C1QTNF12: variants seen among roughly 807,000 people sequenced by gnomAD.
The protein encoded by C1QTNF12 is C1q and TNF related 12.
Under a neutral mutation model 34.3 loss-of-function variants are expected in C1QTNF12, and 39 were observed. The observed-to-expected ratio is 1.14, with a 90% CI of 0.88 to 1.49. C1QTNF12 has a LOEUF of 1.49. Ranked by LOEUF, C1QTNF12 falls within the 40% of genes most tolerant of loss-of-function variation. The pLI is 0.00. For missense variants in C1QTNF12, 497 were observed against 424.7 expected, an observed-to-expected ratio of 1.17 and a Z score of -1.50; for synonymous variants, 220 against 196.9, an observed-to-expected ratio of 1.12 and a Z score of -0.98.
rs1169330437 is a variant in C1QTNF12 at position 1,242,617 on chromosome 1, G to C, written c.840C>G (p.Asp280Glu). ...TGGTGAGGACGGCCCCGGAGCCATT[G>C]TCCACAAACACAGAAGCGTACTGTC... ...QAGQYASVFVDNGSGAVLTIQ... is the reference protein window; with the variant it reads ...QAGQYASVFVENGSGAVLTIQ... Residue 280 changes from aspartate to glutamate, a missense_variant, in exon 8 of 8, where the codon GAC becomes GAG. Transcript: ENST00000330388. 1.9e-6 allele frequency: 3 copies of C among 1,596,080 alleles called. No homozygotes were observed. In the African/African-American group the frequency reaches 4.0e-5, roughly 21 times the overall value.
In C1QTNF12 at chr1:1,246,478, G is replaced by A. The variant is rs1638893861; in HGVS notation, c.177+36C>T. On this transcript the variant is annotated intron_variant, in intron 1 of 7. Transcript: ENST00000330388. The surrounding 1 kb of genome is among the most constrained non-coding windows in gnomAD (Gnocchi z 4.5). ...GCCCCAGAGCCCCAGCTCCGAAGCT[G>A]CCCCGCGAGGGCCCACGTGCGTCCC... 1.6e-6 allele frequency: 2 copies of A among 1,228,512 alleles called. No homozygotes were observed. Among genetic ancestry groups the A allele is most frequent in the African/African-American group, 3.1e-5 (2 of 64,386 alleles). 76.1% of individuals were successfully genotyped at this position (1,228,512 alleles called of 1,614,324 possible).
At chr1:1,247,266 A>T (rs1638918570), upstream of C1QTNF12, among the ~76,000 whole-genome samples, 1 of 152,088 alleles carries the variant, frequency 6.6e-6, no homozygotes, top group African/African-American at 2.4e-5. Flanking sequence ...CCAAAGCCCC[A>T]GCCCCTTCCC....
chr1:1,246,626 C>T lies in C1QTNF12; in HGVS notation c.65G>A (p.Gly22Asp). The change falls in exon 1 of 8, where the codon GGC becomes GAC. Residue 22 changes from glycine to aspartate, a missense_variant. Transcript: ENST00000330388. The surrounding 1 kb of genome is among the most constrained non-coding windows in gnomAD (Gnocchi z 4.5). ...CTGTGCCTCCCGCCGGGCCCCGACGCCCCCGAGGAGCACGAGCTGCGGCCC... is the reference window on the plus strand; with the variant it reads ...CTGTGCCTCCCGCCGGGCCCCGACGTCCCCGAGGAGCACGAGCTGCGGCCC... ...LLGPQLVLLGGVGARREAQRT... is the reference protein window; with the variant it reads ...LLGPQLVLLGDVGARREAQRT... The T allele has an allele frequency of 8.1e-7, 1 of 1,240,766 alleles. No homozygotes were observed. Among genetic ancestry groups the T allele is most frequent in the Non-Finnish European group, 1.0e-6 (1 of 992,624 alleles). 76.9% of individuals were successfully genotyped at this position (1,240,766 alleles called of 1,614,324 possible).
chr1:1,243,376 G>A, intron 5 of C1QTNF12, 68 bp downstream of exon 5: 1 of 1,428,546 alleles, frequency 7.0e-7, no homozygotes, highest in Non-Finnish European at 9.6e-7. Context: ...GGCCGGCGAT[G>A]CCAGGCGCCC....
rs1337123052 is a variant in C1QTNF12 at position 1,246,453 on chromosome 1, G to A, written c.177+61C>T. 1 of 1,202,082 alleles carries A rather than the reference G, an allele frequency of 8.3e-7. No homozygotes were observed. The highest frequency in any genetic ancestry group is 4.2e-5 in the South Asian group (1 of 23,828). The allele number at this position is 1,202,082 out of a possible 1,614,324, so 74.5% of individuals were successfully genotyped here. A position where few individuals can be genotyped will look rare whatever the true frequency, so the allele number is the denominator to read the frequency against. ...GGGACAGAGCCTGCTGGGGGAGGAC[G>A]CCCCAGAGCCCCAGCTCCGAAGCTG... On this transcript the variant is annotated intron_variant, in intron 1 of 7. Coordinates refer to ENST00000330388, the MANE Select transcript of C1QTNF12 (RefSeq NM_001014980.3). The surrounding 1 kb of genome is among the most constrained non-coding windows in gnomAD (Gnocchi z 4.5).
chr1:1,242,832 C>T lies in C1QTNF12; in HGVS notation c.810+3G>A, dbSNP rs763484176. On this transcript the variant is annotated splice_donor_region_variant and intron_variant, in intron 7 of 7. Coordinates refer to ENST00000330388, the MANE Select transcript of C1QTNF12 (RefSeq NM_001014980.3). ...CTCCCGCTCACACCCGGCCCGGACT[C>T]ACCTGCAGCTGCAGCAGCCCCTGCA... 6.2e-7 allele frequency: 1 copy of T among 1,612,194 alleles called. No individual in the cohort carries two copies. The highest frequency in any genetic ancestry group is 1.7e-5 in the Admixed American group (1 of 60,010).
Position 1,246,608 on chromosome 1 carries a change from T to A in C1QTNF12, c.83A>T (p.Glu28Val). The change falls in exon 1 of 8, where the codon GAG (glutamate) becomes GTG (valine). Residue 28 changes from glutamate (E) to valine (V), a missense_variant. Glu to Val is a moderately radical substitution (Grantham distance 121). Coordinates refer to ENST00000330388, the MANE Select transcript of C1QTNF12 (RefSeq NM_001014980.3). The surrounding 1 kb of genome is among the most constrained non-coding windows in gnomAD (Gnocchi z 4.5). The part of the protein sequence containing the change: ...VLLGGVGARR[E>V]AQRTQQPGQR... The stretch of plus-strand genomic sequence containing the variant: ...GCCAGGCTGCTGCGTCCTCTGTGCC[T>A]CCCGCCGGGCCCCGACGCCCCCGAG... 1 of 1,245,882 alleles carries A rather than the reference T, an allele frequency of 8.0e-7. No homozygotes were observed. The highest frequency in any genetic ancestry group is 3.1e-5 in the East Asian group (1 of 31,754). 77.2% of individuals were successfully genotyped at this position (1,245,882 alleles called of 1,614,324 possible).
rs759126398 is a variant in C1QTNF12, at chr1:1,242,667, T to C, written c.811-21A>G. 1.2e-5 allele frequency: 19 copies of C among 1,577,558 alleles called. No homozygotes were observed. In the African/African-American group the frequency reaches 1.9e-4, roughly 16 times the overall value. On this transcript the variant is annotated intron_variant, in intron 7 of 7. Coordinates refer to ENST00000330388, the MANE Select transcript of C1QTNF12 (RefSeq NM_001014980.3). ...CCAGCCTGTAAGAAGCACGGGGACG[T>C]CACAACCGCAGCCACAGCCCAGCCA...
chr1:1,246,651 C>G lies in C1QTNF12; in HGVS notation c.40G>C (p.Gly14Arg), dbSNP rs7539412. Residue 14 changes from glycine to arginine, a missense_variant, in exon 1 of 8, where the codon GGG becomes CGG. Physicochemically the swap from Gly to Arg is moderately radical, Grantham distance 125. Coordinates refer to ENST00000330388, the MANE Select transcript of C1QTNF12 (RefSeq NM_001014980.3). The surrounding 1 kb of genome is among the most constrained non-coding windows in gnomAD (Gnocchi z 4.5). ...WAWAAVVVLL[G>R]PQLVLLGGVG... ...CCCCCGAGGAGCACGAGCTGCGGCCCGAGGAGGACCACGACCGCGGCCCAG... is the reference window on the plus strand; with the variant it reads ...CCCCCGAGGAGCACGAGCTGCGGCCGGAGGAGGACCACGACCGCGGCCCAG... 1 of 1,232,348 alleles carries G rather than the reference C, an allele frequency of 8.1e-7. No individual in the cohort carries two copies. The highest frequency in any genetic ancestry group is 3.2e-5 in the East Asian group (1 of 31,456). 76.3% of individuals were successfully genotyped at this position (1,232,348 alleles called of 1,614,324 possible). A position where few individuals can be genotyped will look rare whatever the true frequency, so the allele number is the denominator to read the frequency against.
chr1:1,247,036 G>A (rs547417314), upstream of C1QTNF12, among the ~76,000 whole-genome samples: 190 of 152,198 alleles, frequency 1.2e-3, 1 homozygote, highest in Middle Eastern at 0.014. Context: ...GACGGCCAGG[G>A]ACGGAGACGG....
Position 1,242,491 on chromosome 1 carries a change from C to T in C1QTNF12, c.*57G>A. Reference sequence around the variant, plus strand: ...TCTTTATTGTGGTGACCACGGGCATCAGTAGGAGGGTCCCCGGGATCCGGC... The same window carrying T: ...TCTTTATTGTGGTGACCACGGGCATTAGTAGGAGGGTCCCCGGGATCCGGC... On this transcript the variant is annotated 3_prime_UTR_variant, in exon 8 of 8. Transcript: ENST00000330388. 1 of 1,333,608 alleles carries T rather than the reference C, an allele frequency of 7.5e-7. No individual in the cohort carries two copies. The highest frequency in any genetic ancestry group is 1.0e-6 in the Non-Finnish European group (1 of 961,862). The allele number at this position is 1,333,608 out of a possible 1,614,324, so 82.6% of individuals were successfully genotyped here.
rs1422078418 is a variant in C1QTNF12, at chr1:1,246,617, GC to G, written c.73del (p.Ala25ProfsTer49). The G allele has an allele frequency of 3.5e-5, 43 of 1,244,512 alleles. No homozygotes were observed. The highest frequency in any genetic ancestry group is 3.9e-5 in the Non-Finnish European group (39 of 994,776). The allele number at this position is 1,244,512 out of a possible 1,614,324, so 77.1% of individuals were successfully genotyped here. A position where few individuals can be genotyped will look rare whatever the true frequency, so the allele number is the denominator to read the frequency against. ...PQLVLLGGVGARREAQRTQQP... is the reference protein window; with the variant it reads ...PQLVLLGGVGXRREAQRTQQP... ...CTGCGTCCTCTGTGCCTCCCGCCGGGCCCCGACGCCCCCGAGGAGCACGAGC... is the reference window on the plus strand; with the variant it reads ...CTGCGTCCTCTGTGCCTCCCGCCGGGCCCGACGCCCCCGAGGAGCACGAGC... On this transcript the variant is annotated frameshift_variant, in exon 1 of 8. Coordinates refer to ENST00000330388, the MANE Select transcript of C1QTNF12 (RefSeq NM_001014980.3). LOFTEE classifies it high-confidence loss of function. This position sits in a 1 kb window ranked among gnomAD's most constrained non-coding sequence, Gnocchi z 4.5.
At chr1:1,243,364 G>A (rs898317574) in intron 5 of C1QTNF12, 80 bp downstream of exon 5, 24 of 1,346,880 alleles carry the variant, frequency 1.8e-5, no homozygotes, top group African/African-American at 1.5e-4. Flanking sequence ...ACCCGCACCC[G>A]GGGCCGGCGA....
At chr1:1,246,760 C>T, upstream of C1QTNF12, 1 of 1,139,636 alleles carries the variant, frequency 8.8e-7, no homozygotes, top group Non-Finnish European at 1.1e-6. This position sits in a 1 kb window ranked among gnomAD's most constrained non-coding sequence, Gnocchi z 4.5. Context: ...ACGGCCGGCG[C>T]TCAGAGCCCC....
intron 4 of C1QTNF12, 36 bp downstream of exon 4, chr1:1,243,917 AC>A: frequency 6.5e-7 from 1 of 1,547,852 alleles, no homozygotes; most frequent in East Asian, 2.5e-5. Flanking sequence ...GTGGGGCCCC[AC>A]CCAACACCCC....
upstream of C1QTNF12, chr1:1,246,845 G>C: frequency 2.2e-6 from 1 of 450,146 alleles, no homozygotes; most frequent in African/African-American, 2.1e-5. This position sits in a 1 kb window ranked among gnomAD's most constrained non-coding sequence, Gnocchi z 4.5. Context: ...CGGAACGGCG[G>C]CGCGACGGCG....
chr1:1,243,074 C>T lies in C1QTNF12; in HGVS notation c.719G>A (p.Cys240Tyr). 1 of 1,583,816 alleles carries T rather than the reference C, an allele frequency of 6.3e-7. No homozygotes were observed. Among genetic ancestry groups the T allele is most frequent in the African/African-American group, 1.3e-5 (1 of 74,234 alleles). Residue 240 changes from cysteine to tyrosine, a missense_variant, in exon 6 of 8, where the codon TGC becomes TAC. Transcript: ENST00000330388. ...TGAGGTCACTCACGTGTGGCGCTGG[C>T]ACAGGGACTCAATACAGATGAGAAC... ...VCVLICIESLCQRHTCLEAVS... is the reference protein window; with the variant it reads ...VCVLICIESLYQRHTCLEAVS...
At chr1:1,244,621 C>T (rs1013467850) in intron 1 of C1QTNF12, 124 bp from the exon 2 acceptor site, 22 of 759,006 alleles carry the variant, frequency 2.9e-5, no homozygotes, top group Non-Finnish European at 4.6e-5. Context: ...GAAGGACCCA[C>T]GGCCGCCCTT....
chr1:1,243,319 G>C lies in C1QTNF12; in HGVS notation c.640+125C>G, dbSNP rs558852024. 5 of 1,055,288 alleles carry C rather than the reference G, an allele frequency of 4.7e-6. No individual in the cohort carries two copies. In the Admixed American group the frequency reaches 1.2e-4, roughly 25 times the overall value. 65.4% of individuals were successfully genotyped at this position (1,055,288 alleles called of 1,614,324 possible). A position where few individuals can be genotyped will look rare whatever the true frequency, so the allele number is the denominator to read the frequency against. On this transcript the variant is annotated intron_variant, in intron 5 of 7. Coordinates refer to ENST00000330388, the MANE Select transcript of C1QTNF12 (RefSeq NM_001014980.3). ...GCAGGGACCCCATGCCCAGTCCAAGGCCCCCCATGGGGCAGGGGATAGGTC... is the reference window on the plus strand; with the variant it reads ...GCAGGGACCCCATGCCCAGTCCAAGCCCCCCCATGGGGCAGGGGATAGGTC...
Sources: gnomAD v4.1 joint callset for allele counts (sites outside exome capture counted in the v4.1 genomes callset) on GRCh38, gnomAD v4.1.1 for gene constraint, Gnocchi (gnomAD v3.1) non-coding constraint, MANE v1.5 for transcripts, NCBI Gene and HGNC (gene_info 2026-07-23, HGNC 2026-07-21) for gene names.